The following SLC25A21 variants were observed in gnomAD, a reference collection of about 807,000 sequenced individuals.
SLC25A21 encodes the protein mitochondrial 2-oxodicarboxylate carrier.
Under a neutral mutation model 43.8 loss-of-function variants are expected in SLC25A21, and 47 were observed. That is an observed-to-expected ratio of 1.07 (90% CI 0.85 to 1.37). The LOEUF (loss-of-function observed/expected upper bound fraction) is 1.37, where lower values mean the gene tolerates loss of function less well. SLC25A21 is among the 40% of genes most tolerant of loss of function. The probability of loss-of-function intolerance (pLI) is 0.00; values close to 1 mark genes in which losing one functional copy is unlikely to be tolerated. For missense variants in SLC25A21, 352 were observed against 350.2 expected (o/e 1.00, Z -0.04); for synonymous variants, 131 against 121.3 (o/e 1.08, Z -0.52).
intron 3 of SLC25A21, among the ~76,000 whole-genome samples, chr14:36,770,891 G>A (rs2138356342): frequency 6.6e-6 from 1 of 152,258 alleles, no homozygotes; most frequent in Middle Eastern, 3.4e-3. Flanking sequence ...GTGCATATCT[G>A]TTTTATTTAG....
chr14:36,876,932 G>A (rs5010633), intron 1 of SLC25A21, among the ~76,000 whole-genome samples: 28,794 of 149,792 alleles, frequency 0.19, 3,548 homozygotes, highest in Non-Finnish European at 0.27. Flanking sequence ...TAGATAGATA[G>A]ATAGATACAC....
intron 1 of SLC25A21, among the ~76,000 whole-genome samples, chr14:37,061,146 A>G (rs779795175): frequency 6.6e-6 from 1 of 152,164 alleles, no homozygotes; most frequent in Non-Finnish European, 1.5e-5. Flanking sequence ...TGAACTTTCC[A>G]TTGTAAATAG....
chr14:36,851,790 G>C (rs1409551808), intron 2 of SLC25A21, among the ~76,000 whole-genome samples: 4 of 152,134 alleles, frequency 2.6e-5, no homozygotes, highest in African/African-American at 7.2e-5. Context: ...CATTTTCACT[G>C]AATTGCTAAT....
intron 1 of SLC25A21, among the ~76,000 whole-genome samples, chr14:36,960,496 A>T (rs1472203683): frequency 6.6e-6 from 1 of 152,112 alleles, no homozygotes; most frequent in Non-Finnish European, 1.5e-5. Flanking sequence ...ATAATTCTTT[A>T]TATTTCTCAA....
At chr14:36,838,176 C>A in intron 2 of SLC25A21, among the ~76,000 whole-genome samples, 1 of 152,212 alleles carries the variant, frequency 6.6e-6, no homozygotes, top group East Asian at 1.9e-4. Context: ...GTGCACACGG[C>A]TGCCAGGGCC....
At chr14:36,828,938 G>A (rs1033832449) in intron 2 of SLC25A21, among the ~76,000 whole-genome samples, 4 of 152,066 alleles carry the variant, frequency 2.6e-5, no homozygotes, top group Admixed American at 6.6e-5. Flanking sequence ...GTCTCACTAT[G>A]TTCCCCAGGT....
At chr14:37,143,263 T>C (rs1963600868) in intron 1 of SLC25A21, among the ~76,000 whole-genome samples, 1 of 152,142 alleles carries the variant, frequency 6.6e-6, no homozygotes, top group Admixed American at 6.6e-5. Context: ...AAGCAAAATA[T>C]CAAATTTTAG....
At position 36,679,519 on chromosome 14, in the gene SLC25A21, A is replaced by AAATC. The variant is rs1882097923; in HGVS notation, c.*1135_*1138dup. ...AGCATCATCTCTGGATGCAGATATA[A>AAATC]AATCAAGTTTGGTTACATCAAGACC... is the stretch of plus-strand genomic sequence containing the variant. On this transcript the variant is annotated 3_prime_UTR_variant, in exon 10 of 10. Transcript: ENST00000331299. 1.0e-6 allele frequency: 1 copy of AAATC among 985,372 alleles called. No individual in the cohort carries two copies. The highest frequency in any genetic ancestry group is 1.2e-6 in the Non-Finnish European group (1 of 829,876). The allele number at this position is 985,372 out of a possible 1,614,324, so 61.0% of individuals were successfully genotyped here. A position where few individuals can be genotyped will look rare whatever the true frequency, so the allele number is the denominator to read the frequency against.
chr14:37,016,797 A>G (rs56113646), intron 1 of SLC25A21, among the ~76,000 whole-genome samples: 59,907 of 151,862 alleles, frequency 0.39, 12,998 homozygotes, highest in African/African-American at 0.58. Context: ...AGCTACATTA[A>G]CACTGACTGT....
chr14:36,924,442 T>C (rs532633227), intron 1 of SLC25A21, among the ~76,000 whole-genome samples: 10 of 151,686 alleles, frequency 6.6e-5, no homozygotes, highest in Non-Finnish European at 1.3e-4. Context: ...AACCAAACAC[T>C]GCATGTTCTC....
At chr14:36,999,895 A>G (rs1449523376) in intron 1 of SLC25A21, among the ~76,000 whole-genome samples, 1 of 152,140 alleles carries the variant, frequency 6.6e-6, no homozygotes, top group Admixed American at 6.6e-5. Context: ...CCTTGAATGA[A>G]AACTTCGCAA....
chr14:36,871,972 A>G (rs4906469), intron 2 of SLC25A21, among the ~76,000 whole-genome samples: 66,926 of 152,036 alleles, frequency 0.44, 16,096 homozygotes, highest in Non-Finnish European at 0.52. Context: ...AATTTCAATC[A>G]GCAGGGATGA....
chr14:37,104,875 T>C (rs1161739341), intron 1 of SLC25A21, among the ~76,000 whole-genome samples: 1 of 152,216 alleles, frequency 6.6e-6, no homozygotes, highest in African/African-American at 2.4e-5. Flanking sequence ...CCCACCCATC[T>C]CATTTATCTG....
chr14:36,901,444 G>A (rs897968052), intron 1 of SLC25A21, among the ~76,000 whole-genome samples: 13 of 152,094 alleles, frequency 8.5e-5, no homozygotes, highest in African/African-American at 2.7e-4. Context: ...TACCTATATA[G>A]ATTAGAGGAT....
At chr14:37,098,992 G>A (rs539476142) in intron 1 of SLC25A21, among the ~76,000 whole-genome samples, 16 of 151,870 alleles carry the variant, frequency 1.1e-4, no homozygotes, top group South Asian at 6.3e-4. Context: ...TAGTAGAGAC[G>A]GGGTTTCACC....
At chr14:36,804,714 T>C (rs1470833484) in intron 3 of SLC25A21, among the ~76,000 whole-genome samples, 1 of 152,212 alleles carries the variant, frequency 6.6e-6, no homozygotes, top group Admixed American at 6.5e-5. Context: ...CATGAAGTCA[T>C]TGATGAAAAT....
chr14:37,037,725 C>G (rs1400577733), intron 1 of SLC25A21, among the ~76,000 whole-genome samples: 1 of 152,088 alleles, frequency 6.6e-6, no homozygotes, highest in African/African-American at 2.4e-5. Flanking sequence ...GCATTTTAGT[C>G]TCTTGCTTGT....
intron 1 of SLC25A21, among the ~76,000 whole-genome samples, chr14:36,887,748 G>A (rs1236678667): frequency 6.6e-6 from 1 of 152,040 alleles, no homozygotes; most frequent in Non-Finnish European, 1.5e-5. Flanking sequence ...TGGGGACTCT[G>A]TTTGCTTTCT....
At chr14:36,696,682 T>C (rs1451415183) in intron 7 of SLC25A21, among the ~76,000 whole-genome samples, 9 of 152,222 alleles carry the variant, frequency 5.9e-5, no homozygotes, top group Non-Finnish European at 1.5e-5. Flanking sequence ...CTAGATTTTC[T>C]AGTTTATTTG....
Sources: allele counts gnomAD v4.1 joint callset (sites outside exome capture counted in the v4.1 genomes callset), GRCh38; gene constraint gnomAD v4.1.1; transcripts MANE v1.5; gene names NCBI Gene and HGNC (gene_info 2026-07-23, HGNC 2026-07-21).